Variants in NRXN1 observed in about 807,000 individuals in gnomAD.
NRXN1 encodes the protein neurexin-1.
A neutral mutation model predicts 150.9 loss-of-function variants in NRXN1; 39 were observed. The ratio of observed to expected loss-of-function variants is 0.26; its 90% CI spans 0.20 to 0.34. NRXN1 has a LOEUF of 0.34. NRXN1 is among the 10% of genes least tolerant of loss of function. The pLI, the probability that NRXN1 is intolerant of heterozygous loss-of-function variation, is 1.00. For missense variants in NRXN1, 1,815 were observed against 1,949.9 expected, an observed-to-expected ratio of 0.93 and a Z score of 1.30; for synonymous variants, 924 against 757.0, an observed-to-expected ratio of 1.22 and a Z score of -3.62.
chr2:50,507,070 T>C (rs1408237117), intron 12 of NRXN1: 2 of 155,486 alleles, frequency 1.3e-5, no homozygotes, highest in African/African-American at 2.4e-5. Flanking sequence ...AGAAGACATC[T>C]GACTGTAGCC....
intron 17 of NRXN1, among the ~76,000 whole-genome samples, chr2:50,293,423 G>A (rs139701670): frequency 2.2e-3 from 342 of 152,272 alleles, no homozygotes; most frequent in African/African-American, 7.8e-3. Context: ...CCCTGTCCAT[G>A]ATAGACTACA....
intron 17 of NRXN1, among the ~76,000 whole-genome samples, chr2:50,338,731 A>G (rs1371105493): frequency 1.3e-5 from 2 of 151,954 alleles, no homozygotes; most frequent in Non-Finnish European, 2.9e-5. Flanking sequence ...AGATAAAACA[A>G]TGTGTTGCTG....
intron 18 of NRXN1, among the ~76,000 whole-genome samples, chr2:50,122,324 A>C (rs1462752771): frequency 6.6e-6 from 1 of 152,228 alleles, no homozygotes; most frequent in Non-Finnish European, 1.5e-5. Context: ...TGCTCTTGAA[A>C]GCAAAGGCTA....
chr2:50,176,804 T>C (rs944965623), intron 18 of NRXN1, among the ~76,000 whole-genome samples: 6 of 152,102 alleles, frequency 3.9e-5, no homozygotes, highest in Non-Finnish European at 7.4e-5. Flanking sequence ...ATCACTGCTC[T>C]GGCTTGCTTT....
intron 22 of NRXN1, among the ~76,000 whole-genome samples, chr2:49,926,983 C>T (rs1669217633): frequency 6.6e-6 from 1 of 152,164 alleles, no homozygotes; most frequent in African/African-American, 2.4e-5. Context: ...TTCTTTATTG[C>T]CTCTGTGCCT....
chr2:50,036,522 G>A (rs1468309650), intron 21 of NRXN1, among the ~76,000 whole-genome samples: 2 of 151,974 alleles, frequency 1.3e-5, no homozygotes, highest in Non-Finnish European at 2.9e-5. Flanking sequence ...ATTTGTCTTT[G>A]ATTTTTAGCT....
intron 5 of NRXN1, among the ~76,000 whole-genome samples, chr2:50,684,594 T>G (rs1238854104): frequency 6.6e-6 from 1 of 152,186 alleles, no homozygotes; most frequent in African/African-American, 2.4e-5. Context: ...TCTGTCTTAC[T>G]GCAGGTAAGT....
intron 13 of NRXN1, among the ~76,000 whole-genome samples, chr2:50,499,441 G>A (rs1437314065): frequency 6.6e-6 from 1 of 152,064 alleles, no homozygotes; most frequent in African/African-American, 2.4e-5. Flanking sequence ...TGATGCAAAA[G>A]TACTATTACA....
chr2:50,802,684 T>A (rs1641592232), intron 5 of NRXN1, among the ~76,000 whole-genome samples: 1 of 152,060 alleles, frequency 6.6e-6, no homozygotes, highest in Admixed American at 6.6e-5. Context: ...AGGGTCTTTT[T>A]AGAGGTAAAA....
chr2:50,767,870 T>A (rs867068062), intron 5 of NRXN1, among the ~76,000 whole-genome samples: 2 of 152,120 alleles, frequency 1.3e-5, no homozygotes, highest in Admixed American at 6.6e-5. Context: ...GCATTAAACA[T>A]GTAATTAATG....
At chr2:50,624,276 G>A (rs1015261248) in intron 5 of NRXN1, among the ~76,000 whole-genome samples, 1 of 152,026 alleles carries the variant, frequency 6.6e-6, no homozygotes, top group African/African-American at 2.4e-5. Flanking sequence ...TGACATTCTT[G>A]AAAATTCAAT....
intron 21 of NRXN1, among the ~76,000 whole-genome samples, chr2:50,046,859 G>A (rs931010087): frequency 1.3e-5 from 2 of 152,110 alleles, no homozygotes; most frequent in African/African-American, 4.8e-5. Flanking sequence ...TAGGTGTCCA[G>A]CATGGAACCA....
chr2:50,135,412 C>T (rs990149565), intron 18 of NRXN1, among the ~76,000 whole-genome samples: 2 of 152,084 alleles, frequency 1.3e-5, no homozygotes, highest in Non-Finnish European at 2.9e-5. Context: ...AAAGAAGCTG[C>T]CCAATCGCGG....
intron 21 of NRXN1, among the ~76,000 whole-genome samples, chr2:49,994,976 T>A (rs933131439): frequency 1.3e-5 from 2 of 152,198 alleles, no homozygotes; most frequent in Admixed American, 1.3e-4. Context: ...TAGGTGTAGT[T>A]CTCATAATTT....
chr2:50,968,026 C>G (rs981021149), intron 2 of NRXN1, among the ~76,000 whole-genome samples: 1 of 151,650 alleles, frequency 6.6e-6, no homozygotes, highest in Non-Finnish European at 1.5e-5. Context: ...ATAATGCTAA[C>G]GAAAGGACTA....
intron 5 of NRXN1, among the ~76,000 whole-genome samples, chr2:50,755,176 C>T (rs1049009433): frequency 6.6e-6 from 1 of 151,784 alleles, no homozygotes; most frequent in Non-Finnish European, 1.5e-5. Flanking sequence ...GGACTGTAAA[C>T]TTCATTATAG....
At chr2:50,056,821 A>T (rs890095143) in intron 19 of NRXN1, among the ~76,000 whole-genome samples, 1 of 152,180 alleles carries the variant, frequency 6.6e-6, no homozygotes, top group East Asian at 1.9e-4. Context: ...TATTTTCAAA[A>T]ATACATACCC....
At chr2:50,360,627 C>T (rs971659446) in intron 17 of NRXN1, among the ~76,000 whole-genome samples, 1 of 152,120 alleles carries the variant, frequency 6.6e-6, no homozygotes, top group African/African-American at 2.4e-5. Context: ...TTCTTAGAGA[C>T]CTACAAAGAG....
intron 21 of NRXN1, among the ~76,000 whole-genome samples, chr2:49,977,539 T>C (rs1679195390): frequency 6.6e-6 from 1 of 152,226 alleles, no homozygotes; most frequent in Admixed American, 6.5e-5. Flanking sequence ...AAGCATATAT[T>C]GTAACGTGAC....
Sources: gnomAD v4.1 joint callset for allele counts (sites outside exome capture counted in the v4.1 genomes callset) on GRCh38, gnomAD v4.1.1 for gene constraint, MANE v1.5 for transcripts, NCBI Gene and HGNC (gene_info 2026-07-23, HGNC 2026-07-21) for gene names.